The following SORCS2 variants were observed in gnomAD, a reference collection of about 807,000 sequenced individuals.
SORCS2 encodes sortilin related VPS10 domain containing receptor 2, also known as VPS10 domain-containing receptor SorCS2.
In SORCS2, 100 loss-of-function variants were observed where a neutral mutation model predicts 141.6. That is an observed-to-expected ratio of 0.71 (90% CI 0.60 to 0.83). The LOEUF is 0.83. Ranked by LOEUF, SORCS2 falls within the 40% of genes least tolerant of loss-of-function variation. The pLI is 0.00. For missense variants in SORCS2, 1,646 were observed against 1,560.2 expected (o/e 1.05, Z -0.93); for synonymous variants, 789 against 676.9 (o/e 1.17, Z -2.57).
chr4:7,431,735 C>G (rs1726877284), intron 2 of SORCS2: 1 of 152,226 alleles, frequency 6.6e-6, no homozygotes, highest in Non-Finnish European at 1.5e-5. Context: ...CAGGCCTGCC[C>G]AGCCAATAGG....
intron 1 of SORCS2, among the ~76,000 whole-genome samples, chr4:7,255,897 G>T (rs13146431): frequency 3.6e-3 from 22 of 6,148 alleles, no homozygotes; most frequent in South Asian, 0.017. Flanking sequence ...GTGGGGACCC[G>T]GGGCTGGAGC....
At chr4:7,701,357 A>T (rs1053249170) in intron 12 of SORCS2, among the ~76,000 whole-genome samples, 1 of 152,124 alleles carries the variant, frequency 6.6e-6, no homozygotes. Context: ...TCTCTTCTTT[A>T]TCCAAGGTAA....
At chr4:7,274,484 G>A (rs1334598372) in intron 1 of SORCS2, among the ~76,000 whole-genome samples, 1 of 152,162 alleles carries the variant, frequency 6.6e-6, no homozygotes, top group African/African-American at 2.4e-5. Context: ...CAATCATGGT[G>A]GAAGGCAAAC....
chr4:7,392,904 G>A (rs920818476), intron 1 of SORCS2, among the ~76,000 whole-genome samples: 9 of 146,532 alleles, frequency 6.1e-5, no homozygotes, highest in Non-Finnish European at 1.3e-4. Context: ...CAGTCGGGGG[G>A]GGGGGGGTGC....
intron 1 of SORCS2, among the ~76,000 whole-genome samples, chr4:7,344,834 G>A (rs995241170): frequency 3.9e-5 from 6 of 152,184 alleles, no homozygotes; most frequent in Non-Finnish European, 8.8e-5. Flanking sequence ...GTTTATCCTT[G>A]AAAACAGCAG....
intron 2 of SORCS2, among the ~76,000 whole-genome samples, chr4:7,486,603 C>A (rs2109388602): frequency 6.6e-6 from 1 of 152,326 alleles, no homozygotes; most frequent in South Asian, 2.1e-4. Context: ...GACCCCAGAC[C>A]TGACTGCTTC....
At chr4:7,198,832 C>G (rs1204347764) in intron 1 of SORCS2, among the ~76,000 whole-genome samples, 1 of 152,278 alleles carries the variant, frequency 6.6e-6, no homozygotes, top group African/African-American at 2.4e-5. Flanking sequence ...TGGGGACATG[C>G]AGAGGGCGGG....
At chr4:7,380,819 C>A (rs534892712) in intron 1 of SORCS2, among the ~76,000 whole-genome samples, 23 of 152,224 alleles carry the variant, frequency 1.5e-4, no homozygotes, top group Non-Finnish European at 3.1e-4. Context: ...GGTGCGGTGG[C>A]TCACGCCTGT....
In SORCS2 at chr4:7,728,481, G is replaced by C. The variant is rs920139332; in HGVS notation, c.2982+19G>C. Reference sequence around the variant, plus strand: ...CTCCAAGGTGTCCACCCAGAGCCTAGAGCCTCCCCAGCCCCACGGTGCTTC... The same window carrying C: ...CTCCAAGGTGTCCACCCAGAGCCTACAGCCTCCCCAGCCCCACGGTGCTTC... On this transcript the variant is annotated intron_variant, in intron 22 of 26. Transcript: ENST00000507866. 6.3e-7 allele frequency: 1 copy of C among 1,580,566 alleles called. No individual in the cohort carries two copies. Among genetic ancestry groups the C allele is most frequent in the Non-Finnish European group, 8.6e-7 (1 of 1,158,108 alleles).
intron 2 of SORCS2, among the ~76,000 whole-genome samples, chr4:7,481,469 C>T (rs897168458): frequency 6.6e-6 from 1 of 152,140 alleles, no homozygotes; most frequent in Non-Finnish European, 1.5e-5. Context: ...TGGGTGGCAT[C>T]TGGGGAGATC....
chr4:7,239,951 C>T (rs987571781), intron 1 of SORCS2, among the ~76,000 whole-genome samples: 8 of 152,134 alleles, frequency 5.3e-5, no homozygotes, highest in African/African-American at 7.2e-5. Context: ...GTCTGTTTGG[C>T]GAGCACAGCC....
intron 2 of SORCS2, among the ~76,000 whole-genome samples, chr4:7,463,215 G>A (rs1387202778): frequency 6.6e-6 from 1 of 152,170 alleles, no homozygotes; most frequent in Non-Finnish European, 1.5e-5. Flanking sequence ...ATGACTACGG[G>A]ATTAAGAGGG....
intron 3 of SORCS2, among the ~76,000 whole-genome samples, chr4:7,567,602 C>T (rs1297669313): frequency 1.3e-5 from 2 of 152,164 alleles, no homozygotes; most frequent in African/African-American, 2.4e-5. Flanking sequence ...TGACACTGAC[C>T]CTTGTCACTG....
intron 1 of SORCS2, among the ~76,000 whole-genome samples, chr4:7,198,913 C>T (rs1252236739): frequency 6.6e-6 from 1 of 152,158 alleles, no homozygotes; most frequent in Non-Finnish European, 1.5e-5. Context: ...GCCCTTGCCC[C>T]AGTCACTCGA....
Position 7,740,907 on chromosome 4 carries a change from G to C in SORCS2, c.*643G>C. 2.5e-6 allele frequency: 1 copy of C among 398,252 alleles called. No individual in the cohort carries two copies. Among genetic ancestry groups the C allele is most frequent in the African/African-American group, 2.1e-5 (1 of 48,746 alleles). The allele number at this position is 398,252 out of a possible 1,614,324, so 24.7% of individuals were successfully genotyped here. The stretch of plus-strand genomic sequence containing the variant: ...CGGCGGTAGCCACCGGGGTGGCTCT[G>C]TCAGAGTTCCGTACTCGGGAGCCCC... On this transcript the variant is annotated 3_prime_UTR_variant, in exon 27 of 27. Coordinates refer to ENST00000507866, the MANE Select transcript of SORCS2 (RefSeq NM_020777.3).
chr4:7,578,248 C>G (rs1715897421), intron 3 of SORCS2, among the ~76,000 whole-genome samples: 1 of 152,216 alleles, frequency 6.6e-6, no homozygotes, highest in Non-Finnish European at 1.5e-5. Flanking sequence ...GAGACCCTTA[C>G]CAGATGGGCT....
intron 1 of SORCS2, among the ~76,000 whole-genome samples, chr4:7,317,816 CA>C (rs1334038651): frequency 6.6e-6 from 1 of 152,210 alleles, no homozygotes; most frequent in Non-Finnish European, 1.5e-5. Context: ...AGGCCACCTC[CA>C]CCATTCAGCT....
In SORCS2 at chr4:7,734,381, C is replaced by T. The variant is rs779999987; in HGVS notation, c.3311+7C>T. 2.6e-6 allele frequency: 4 copies of T among 1,510,686 alleles called. No individual in the cohort carries two copies. In the African/African-American group the frequency reaches 5.5e-5, roughly 21 times the overall value. 93.6% of individuals were successfully genotyped at this position (1,510,686 alleles called of 1,614,324 possible). A position where few individuals can be genotyped will look rare whatever the true frequency, so the allele number is the denominator to read the frequency against. On this transcript the variant is annotated splice_region_variant and intron_variant, in intron 25 of 26. Coordinates refer to ENST00000507866, the MANE Select transcript of SORCS2 (RefSeq NM_020777.3). ...TCCTCTACAAGTTCAAAAGGCAAGGCCCTTGGCTGCCCTCCTCTGCGGGGC... is the reference window on the plus strand; with the variant it reads ...TCCTCTACAAGTTCAAAAGGCAAGGTCCTTGGCTGCCCTCCTCTGCGGGGC...
At chr4:7,307,292 C>T (rs62277296) in intron 1 of SORCS2, among the ~76,000 whole-genome samples, 40,645 of 152,230 alleles carry the variant, frequency 0.27, 5,944 homozygotes, top group South Asian at 0.42. Flanking sequence ...CCATGCATGA[C>T]TCTCCTCTCC....
Sources: allele counts gnomAD v4.1 joint callset (sites outside exome capture counted in the v4.1 genomes callset), GRCh38; gene constraint gnomAD v4.1.1; transcripts MANE v1.5; gene names NCBI Gene and HGNC (gene_info 2026-07-23, HGNC 2026-07-21).